Variants in PALLD observed in about 807,000 individuals in gnomAD.
The protein encoded by PALLD is palladin, cytoskeletal associated protein.
A neutral mutation model predicts 123.5 loss-of-function variants in PALLD; 61 were observed. That is an observed-to-expected ratio of 0.49 (90% CI 0.40 to 0.61). The LOEUF (loss-of-function observed/expected upper bound fraction) is 0.61, where lower values mean the gene tolerates loss of function less well. Ranked by LOEUF, PALLD falls within the 20% of genes least tolerant of loss-of-function variation. The pLI is 0.00. For missense variants in PALLD, 1,273 were observed against 1,377.0 expected (o/e 0.92, Z 1.20); for synonymous variants, 465 against 496.4 (o/e 0.94, Z 0.84).
At chr4:168,764,143 A>G (rs1733337783) in intron 10 of PALLD, among the ~76,000 whole-genome samples, 1 of 152,312 alleles carries the variant, frequency 6.6e-6, no homozygotes, top group Non-Finnish European at 1.5e-5. Context: ...GTCTTCTTAT[A>G]GATATGGGAC....
chr4:168,833,163 G>A (rs1476834661), intron 10 of PALLD, among the ~76,000 whole-genome samples: 1 of 152,194 alleles, frequency 6.6e-6, no homozygotes, highest in Admixed American at 6.5e-5. Context: ...CCAGACTCTA[G>A]AAAGGGGTTT....
At chr4:168,551,032 T>C (rs1452139453) in intron 2 of PALLD, among the ~76,000 whole-genome samples, 1 of 152,232 alleles carries the variant, frequency 6.6e-6, no homozygotes, top group Non-Finnish European at 1.5e-5. Flanking sequence ...AAGTTTAGAG[T>C]TATCTATGCA....
intron 2 of PALLD, among the ~76,000 whole-genome samples, chr4:168,513,537 T>C (rs934248961): frequency 3.0e-4 from 46 of 152,328 alleles, no homozygotes; most frequent in African/African-American, 1.1e-3. Context: ...ACTCAGTTTC[T>C]TCATCTGTGA....
intron 10 of PALLD, among the ~76,000 whole-genome samples, chr4:168,888,145 A>G (rs949772089): frequency 6.6e-5 from 10 of 152,172 alleles, no homozygotes; most frequent in Non-Finnish European, 8.8e-5. Flanking sequence ...AAAGGATTCC[A>G]TGGTACTAGA....
At chr4:168,588,207 G>A (rs779645971) in intron 2 of PALLD, among the ~76,000 whole-genome samples, 64 of 152,068 alleles carry the variant, frequency 4.2e-4, no homozygotes, top group Middle Eastern at 3.4e-3. Context: ...GTGAGCCCTG[G>A]GAGGATGGAT....
Position 168,592,047 on chromosome 4 carries a change from C to T in PALLD, c.909-76143C>T, listed in dbSNP as rs566058499. ...TTTTTTTTTTTTTGAGATGGAGTCG[C>T]GCTCTGTCACCCAGGCTGCAGTGCA... On this transcript the variant is annotated intron_variant, in intron 2 of 21. Transcript: ENST00000505667. Among the ~76,000 whole-genome samples the T allele has an allele frequency of 6.2e-5, 9 of 144,336 alleles. No homozygotes were observed. In the South Asian group the frequency reaches 2.0e-3, roughly 31 times the overall value. The allele number at this position is 144,336 out of a possible 152,430, so 94.7% of individuals were successfully genotyped here. A position where few individuals can be genotyped will look rare whatever the true frequency, so the allele number is the denominator to read the frequency against.
At chr4:168,632,272 A>G (rs1046924444) in intron 2 of PALLD, among the ~76,000 whole-genome samples, 1 of 151,978 alleles carries the variant, frequency 6.6e-6, no homozygotes, top group East Asian at 1.9e-4. Context: ...TTTGAGCCCA[A>G]TGAGTTTGTA....
Position 168,890,927 on chromosome 4 carries a change from TTCCAAAGAAGGCCAGTAG to T in PALLD, c.1971_1988del (p.Phe657_Arg663delinsLeu). The stretch of plus-strand genomic sequence containing the variant: ...CTTGTGTTTTTATCCTGCAGAGGAT[TTCCAAAGAAGGCCAGTAG>T]AACTGCTAGAATAGCCTCCGATGAG... On this transcript the variant is annotated inframe_deletion, in exon 11 of 22. Transcript: ENST00000505667. The T allele has an allele frequency of 1.9e-6, 3 of 1,614,068 alleles. No individual in the cohort carries two copies. The highest frequency in any genetic ancestry group is 2.5e-6 in the Non-Finnish European group (3 of 1,179,954).
At chr4:168,506,796 A>G (rs1017338524) in intron 1 of PALLD, among the ~76,000 whole-genome samples, 7 of 151,938 alleles carry the variant, frequency 4.6e-5, no homozygotes, top group African/African-American at 1.5e-4. Flanking sequence ...TCTGGCTTAT[A>G]TTTCTGTTGC....
intron 10 of PALLD, among the ~76,000 whole-genome samples, chr4:168,850,942 T>C (rs1747681859): frequency 6.6e-6 from 1 of 152,152 alleles, no homozygotes. Flanking sequence ...GAACCCTAGC[T>C]CAGTACCTGG....
chr4:168,663,886 A>G (rs1330690942), intron 2 of PALLD, among the ~76,000 whole-genome samples: 1 of 152,226 alleles, frequency 6.6e-6, no homozygotes, highest in Non-Finnish European at 1.5e-5. Flanking sequence ...TTTAAAATTG[A>G]TCCATAGAGT....
In PALLD at chr4:168,719,583, T is replaced by C. The variant is rs372905681; in HGVS notation, c.1964+7660T>C. On this transcript the variant is annotated intron_variant, in intron 10 of 21. Transcript: ENST00000505667. ...CCAAAAGTATTATTTAAAAAAGTTT[T>C]TCTTACTTGTATTTTAGGTTCGGGG... Among the ~76,000 whole-genome samples, 46 of 152,288 alleles carry C rather than the reference T, an allele frequency of 3.0e-4. No individual in the cohort carries two copies. In the East Asian group the frequency reaches 7.3e-3, roughly 24 times the overall value.
At chr4:168,549,750 T>C (rs1322554002) in intron 2 of PALLD, among the ~76,000 whole-genome samples, 1 of 150,340 alleles carries the variant, frequency 6.7e-6, no homozygotes, top group Non-Finnish European at 1.5e-5. Flanking sequence ...TAGACATTCA[T>C]GGGCAATAGT....
intron 8 of PALLD, among the ~76,000 whole-genome samples, chr4:168,697,838 G>T (rs551354821): frequency 1.1e-3 from 161 of 152,266 alleles, no homozygotes; most frequent in African/African-American, 3.8e-3. Context: ...TGGGTAAAAA[G>T]CAGAAAATAC....
chr4:168,849,631 T>C (rs1252789132), intron 10 of PALLD, among the ~76,000 whole-genome samples: 2 of 152,228 alleles, frequency 1.3e-5, no homozygotes, highest in Non-Finnish European at 2.9e-5. Context: ...TCATTATTGA[T>C]GGAAAGTGAA....
At chr4:168,692,811 T>A (rs990590968) in intron 8 of PALLD, among the ~76,000 whole-genome samples, 30 of 152,368 alleles carry the variant, frequency 2.0e-4, no homozygotes, top group Admixed American at 9.1e-4. Flanking sequence ...AGTGAACTCC[T>A]GCAACTCTCT....
intron 2 of PALLD, among the ~76,000 whole-genome samples, chr4:168,560,534 A>G (rs1418363739): frequency 6.6e-6 from 1 of 152,240 alleles, no homozygotes; most frequent in African/African-American, 2.4e-5. Context: ...GAGTATGAGT[A>G]TCAAGAAATT....
intron 10 of PALLD, among the ~76,000 whole-genome samples, chr4:168,761,156 T>A (rs1038983362): frequency 3.9e-5 from 6 of 152,226 alleles, no homozygotes; most frequent in African/African-American, 1.4e-4. Context: ...AGAACGCTGC[T>A]GTGGAGGAAG....
At chr4:168,832,275 C>T (rs1021722983) in intron 10 of PALLD, 1 of 792,420 alleles carries the variant, frequency 1.3e-6, no homozygotes, top group Non-Finnish European at 1.5e-6. Context: ...GGGCTCGGGA[C>T]AGGGTGGGGG....
Sources: allele counts gnomAD v4.1 joint callset (sites outside exome capture counted in the v4.1 genomes callset), GRCh38; gene constraint gnomAD v4.1.1; transcripts MANE v1.5; gene names NCBI Gene and HGNC (gene_info 2026-07-23, HGNC 2026-07-21).